Variants in ALPK1 observed in about 807,000 individuals in gnomAD.
ALPK1 encodes the protein alpha-protein kinase 1.
ALPK1 carries 110 observed loss-of-function variants against 120.6 expected under a neutral mutation model. That is an observed-to-expected ratio of 0.91 (90% confidence interval 0.78 to 1.07). The LOEUF (loss-of-function observed/expected upper bound fraction) is 1.07, where lower values mean the gene tolerates loss of function less well. ALPK1 is among the 50% of genes least tolerant of loss of function. ALPK1 has a pLI of 0.00. For synonymous variants in ALPK1, 582 were observed against 560.3 expected (o/e 1.04, Z -0.55); for missense variants, 1,498 against 1,483.9 (o/e 1.01, Z -0.16).
chr4:112,374,454 G>T (rs915973520), intron 2 of ALPK1, among the ~76,000 whole-genome samples: 6 of 152,178 alleles, frequency 3.9e-5, no homozygotes, highest in African/African-American at 1.2e-4. Flanking sequence ...GGTTACACTC[G>T]GTTTCTCCTC....
At position 112,441,216 on chromosome 4, in the gene ALPK1, G is replaced by A. The variant is rs753574651; in HGVS notation, c.*6G>A. On this transcript the variant is annotated 3_prime_UTR_variant, in exon 16 of 16. Transcript: ENST00000650871. Reference sequence around the variant, plus strand: ...CTCTCCTTCCAGGCACATAGAATACGGCACAGTCTGGTCCTTTGGGGCTTG... The same window carrying A: ...CTCTCCTTCCAGGCACATAGAATACAGCACAGTCTGGTCCTTTGGGGCTTG... 4.0e-5 allele frequency: 63 copies of A among 1,571,606 alleles called. No homozygotes were observed. Among genetic ancestry groups the A allele is most frequent in the Middle Eastern group, 1.7e-4 (1 of 5,982 alleles).
intron 1 of ALPK1, among the ~76,000 whole-genome samples, chr4:112,304,185 T>C (rs185070636): frequency 6.6e-6 from 1 of 152,276 alleles, no homozygotes; most frequent in African/African-American, 2.4e-5. Flanking sequence ...GTCTTTGCTA[T>C]TGTGAATAGT....
intron 2 of ALPK1, chr4:112,359,594 A>G (rs550774341): frequency 3.7e-5 from 9 of 244,410 alleles, no homozygotes; most frequent in Non-Finnish European, 6.6e-5. Flanking sequence ...CAGACCGCTC[A>G]TGGTGCAAGA....
chr4:112,358,700 G>T (rs1181453351), intron 2 of ALPK1: 7 of 752,340 alleles, frequency 9.3e-6, no homozygotes, highest in Non-Finnish European at 1.7e-5. Flanking sequence ...CAGAGGAGCC[G>T]CAAGGAAGGA....
At chr4:112,374,863 C>A (rs915753663) in intron 2 of ALPK1, among the ~76,000 whole-genome samples, 7 of 152,160 alleles carry the variant, frequency 4.6e-5, no homozygotes, top group Non-Finnish European at 1.0e-4. Flanking sequence ...ATTCAGTAAA[C>A]CATGTTGTGA....
intron 1 of ALPK1, among the ~76,000 whole-genome samples, chr4:112,305,232 G>T (rs1727984401): frequency 6.6e-6 from 1 of 151,918 alleles, no homozygotes; most frequent in African/African-American, 2.4e-5. Context: ...TGGTGATGTG[G>T]GCTCTTTTTT....
intron 2 of ALPK1, among the ~76,000 whole-genome samples, chr4:112,351,195 A>G (rs1730338572): frequency 6.6e-6 from 1 of 151,952 alleles, no homozygotes; most frequent in Non-Finnish European, 1.5e-5. Flanking sequence ...TCAGGCCGGG[A>G]GGTAACCCAT....
chr4:112,319,553 A>G, intron 2 of ALPK1, among the ~76,000 whole-genome samples: 1 of 152,102 alleles, frequency 6.6e-6, no homozygotes, highest in East Asian at 1.9e-4. Flanking sequence ...TATGAATTTT[A>G]GAATTATTTT....
intron 4 of ALPK1, among the ~76,000 whole-genome samples, chr4:112,390,202 C>T (rs1283894542): frequency 2.6e-5 from 4 of 152,186 alleles, no homozygotes; most frequent in African/African-American, 7.2e-5. Context: ...ATCTCATGGC[C>T]TCCTTTCAGT....
At chr4:112,358,695 G>T (rs1324078139) in intron 2 of ALPK1, 1 of 744,338 alleles carries the variant, frequency 1.3e-6, no homozygotes, top group Non-Finnish European at 2.5e-6. Context: ...GCTGGCAGAG[G>T]AGCCGCAAGG....
At chr4:112,422,817 G>T (rs190521171) in intron 5 of ALPK1, among the ~76,000 whole-genome samples, 49 of 152,226 alleles carry the variant, frequency 3.2e-4, no homozygotes, top group African/African-American at 1.0e-3. Context: ...TTGGGGGAGG[G>T]CCTCAGCTGT....
intron 5 of ALPK1, among the ~76,000 whole-genome samples, chr4:112,418,067 GC>G (rs896486109): frequency 2.6e-5 from 4 of 152,196 alleles, no homozygotes; most frequent in African/African-American, 4.8e-5. Flanking sequence ...GAACTCTAAA[GC>G]GTGCAGGATA....
intron 2 of ALPK1, among the ~76,000 whole-genome samples, chr4:112,323,538 A>AT (rs1398714285): frequency 6.6e-6 from 1 of 152,250 alleles, no homozygotes; most frequent in South Asian, 2.1e-4. Context: ...TAACAATTTG[A>AT]TTTTTTTGAA....
intron 14 of ALPK1, 75 bp downstream of exon 14, chr4:112,439,947 T>C: frequency 7.8e-7 from 1 of 1,279,784 alleles, no homozygotes; most frequent in East Asian, 2.6e-5. Context: ...GCTTCCCTAA[T>C]CTTTACTTAA....
intron 5 of ALPK1, 152 bp downstream of exon 5, chr4:112,412,177 C>T: frequency 2.2e-6 from 2 of 907,634 alleles, no homozygotes; most frequent in South Asian, 1.5e-5. Context: ...GCCCCTGTGC[C>T]CTTCCACCCG....
intron 4 of ALPK1, among the ~76,000 whole-genome samples, chr4:112,393,687 A>C (rs1034891816): frequency 3.9e-5 from 6 of 152,240 alleles, no homozygotes; most frequent in Admixed American, 6.5e-5. Context: ...CCACTTTTCT[A>C]AGAGCAAGTA....
chr4:112,361,646 A>G (rs2097745), intron 2 of ALPK1, among the ~76,000 whole-genome samples: 128,692 of 152,232 alleles, frequency 0.85, 54,437 homozygotes, highest in Middle Eastern at 0.89. Context: ...CTGGTAGGGA[A>G]GACAAAGGAC....
chr4:112,424,703 A>G (rs1436566317), intron 6 of ALPK1, among the ~76,000 whole-genome samples: 1 of 152,160 alleles, frequency 6.6e-6, no homozygotes, highest in Non-Finnish European at 1.5e-5. Context: ...TCCAAATATT[A>G]ACCACACACC....
intron 4 of ALPK1, among the ~76,000 whole-genome samples, chr4:112,398,754 C>G (rs992714222): frequency 3.9e-5 from 6 of 152,160 alleles, no homozygotes. Context: ...CCAAGCAAGA[C>G]TGTAACAGTG....
Sources: allele counts gnomAD v4.1 joint callset (sites outside exome capture counted in the v4.1 genomes callset), GRCh38; gene constraint gnomAD v4.1.1; transcripts MANE v1.5; gene names NCBI Gene and HGNC (gene_info 2026-07-23, HGNC 2026-07-21).